The following PCDH15 variants were observed in gnomAD, a reference collection of about 807,000 sequenced individuals.
PCDH15 encodes protocadherin-15.
PCDH15 carries 129 observed loss-of-function variants against 178.5 expected under a neutral mutation model. That is an observed-to-expected ratio of 0.72 (90% CI 0.63 to 0.84). The LOEUF (loss-of-function observed/expected upper bound fraction) is 0.84, where lower values mean the gene tolerates loss of function less well. Among genes scored for constraint, PCDH15 ranks in the 40% least tolerant of loss-of-function variants. The probability of loss-of-function intolerance (pLI) is 0.00; values close to 1 mark genes in which losing one functional copy is unlikely to be tolerated. For missense variants in PCDH15, 2,230 were observed against 2,099.9 expected (o/e 1.06, Z -1.21); for synonymous variants, 800 against 732.0 (o/e 1.09, Z -1.50).
intron 2 of PCDH15, among the ~76,000 whole-genome samples, chr10:55,551,740 T>C (rs2132088596): frequency 6.6e-6 from 1 of 151,766 alleles, no homozygotes; most frequent in East Asian, 1.9e-4. Flanking sequence ...TGATTTTAAT[T>C]ATTATTTATA....
At chr10:53,823,280 C>CA (rs1564540238) in intron 32 of PCDH15, 1 of 1,614,034 alleles carries the variant, frequency 6.2e-7, no homozygotes, top group Admixed American at 1.7e-5. Flanking sequence ...AAAAGGGCAT[C>CA]ACAACTTGTT....
intron 7 of PCDH15, among the ~76,000 whole-genome samples, chr10:54,325,800 T>C (rs765658159): frequency 1.3e-5 from 2 of 151,860 alleles, no homozygotes; most frequent in African/African-American, 2.4e-5. Flanking sequence ...TCCCAGCTAG[T>C]TGGGAGGCTG....
At chr10:54,041,094 G>A (rs2093532552) in intron 18 of PCDH15, among the ~76,000 whole-genome samples, 2 of 151,916 alleles carry the variant, frequency 1.3e-5, no homozygotes, top group Non-Finnish European at 2.9e-5. Context: ...AAGAAAGAAA[G>A]CAAGAAAGTT....
intron 2 of PCDH15, among the ~76,000 whole-genome samples, chr10:55,486,413 G>A (rs568928620): frequency 6.6e-6 from 1 of 151,670 alleles, no homozygotes; most frequent in South Asian, 2.1e-4. Flanking sequence ...CTTCAAATCA[G>A]AAATGCTTCA....
chr10:55,358,194 C>T (rs1448527039), intron 2 of PCDH15, among the ~76,000 whole-genome samples: 4 of 151,944 alleles, frequency 2.6e-5, no homozygotes, highest in African/African-American at 4.8e-5. Context: ...TAAAGGGTAC[C>T]TTGAGGATGA....
intron 1 of PCDH15, among the ~76,000 whole-genome samples, chr10:55,273,856 G>C (rs1013066580): frequency 5.9e-5 from 9 of 152,020 alleles, no homozygotes; most frequent in East Asian, 1.9e-4. Context: ...CAAACAATTT[G>C]AAACAACGAT....
At chr10:53,860,991 AT>A (rs1016128406) in intron 27 of PCDH15, among the ~76,000 whole-genome samples, 1 of 152,126 alleles carries the variant, frequency 6.6e-6, no homozygotes, top group Non-Finnish European at 1.5e-5. Flanking sequence ...TTACTTTAAA[AT>A]TTTTAAATCT....
chr10:55,007,484 T>C (rs1238426869), intron 2 of PCDH15, among the ~76,000 whole-genome samples: 1 of 152,162 alleles, frequency 6.6e-6, no homozygotes, highest in African/African-American at 2.4e-5. Context: ...AAACTAATAT[T>C]GTCAAAATGT....
chr10:55,330,968 T>C (rs377535078), intron 2 of PCDH15, among the ~76,000 whole-genome samples: 20 of 151,694 alleles, frequency 1.3e-4, no homozygotes, highest in African/African-American at 4.1e-4. Context: ...TTTTGAAGGA[T>C]GGAGCATCGC....
chr10:54,686,888 T>A (rs1207748705), intron 1 of PCDH15, among the ~76,000 whole-genome samples: 2 of 152,130 alleles, frequency 1.3e-5, no homozygotes, highest in East Asian at 3.8e-4. Flanking sequence ...TTGATAAAGG[T>A]TTGATCTCCA....
chr10:55,537,543 C>A (rs1160205170), intron 2 of PCDH15, among the ~76,000 whole-genome samples: 2 of 125,696 alleles, frequency 1.6e-5, no homozygotes, highest in African/African-American at 2.8e-5. Context: ...TTAAGCAATT[C>A]TCCTGCCTCA....
At position 55,469,655 on chromosome 10, in the gene PCDH15, T is replaced by C. The variant is rs1050037524; in HGVS notation, c.-156+157970A>G. Among the ~76,000 whole-genome samples, 4 of 152,172 alleles carry C rather than the reference T, an allele frequency of 2.6e-5. No homozygotes were observed. In the East Asian group the frequency reaches 7.7e-4, roughly 29 times the overall value. On this transcript the variant is annotated intron_variant, in intron 2 of 5. Transcript: ENST00000613346. ...AATGCTGTGAATGTTATCATCCCTA[T>C]AAAGTTAAATATTTTCAAGATTTCC...
chr10:54,564,302 G>T (rs1190395064), intron 2 of PCDH15, among the ~76,000 whole-genome samples: 1 of 152,138 alleles, frequency 6.6e-6, no homozygotes, highest in Non-Finnish European at 1.5e-5. Flanking sequence ...TTAAGGCAAA[G>T]GTGGAGTTTG....
At chr10:54,847,331 G>C (rs1232221200) in intron 3 of PCDH15, among the ~76,000 whole-genome samples, 2 of 151,838 alleles carry the variant, frequency 1.3e-5, no homozygotes, top group Non-Finnish European at 2.9e-5. Flanking sequence ...TTACTTTGAG[G>C]TATTTTTCTC....
intron 2 of PCDH15, among the ~76,000 whole-genome samples, chr10:54,609,195 T>A (rs1186197538): frequency 6.6e-6 from 1 of 152,094 alleles, no homozygotes; most frequent in East Asian, 1.9e-4. Context: ...ATGAAAATTT[T>A]TGGTAATGTC....
At chr10:55,368,498 T>A (rs540074951) in intron 2 of PCDH15, among the ~76,000 whole-genome samples, 34 of 152,256 alleles carry the variant, frequency 2.2e-4, no homozygotes, top group Middle Eastern at 3.4e-3. Context: ...TATGCCTGCA[T>A]TTAAGTTTGA....
chr10:54,129,804 TTTATA>T (rs1406741076), intron 15 of PCDH15, among the ~76,000 whole-genome samples: 3 of 152,236 alleles, frequency 2.0e-5, no homozygotes, highest in South Asian at 2.1e-4. Context: ...ATAGGCAGGA[TTTATA>T]TTATATCTCT....
chr10:54,622,681 ATAT>A (rs2093413734), intron 2 of PCDH15, among the ~76,000 whole-genome samples: 2 of 98,220 alleles, frequency 2.0e-5, no homozygotes, highest in Admixed American at 1.6e-4. Flanking sequence ...TATATAATAT[ATAT>A]TATATAATAT....
At chr10:54,514,764 A>C (rs981022495) in intron 3 of PCDH15, among the ~76,000 whole-genome samples, 27 of 152,194 alleles carry the variant, frequency 1.8e-4, no homozygotes, top group African/African-American at 6.5e-4. Flanking sequence ...AAGAATATTC[A>C]AATAATACAA....
Sources: gnomAD v4.1 joint callset for allele counts (sites outside exome capture counted in the v4.1 genomes callset) on GRCh38, gnomAD v4.1.1 for gene constraint, MANE v1.5 for transcripts, NCBI Gene and HGNC (gene_info 2026-07-23, HGNC 2026-07-21) for gene names.